Variants in CHD4 observed in about 807,000 individuals in gnomAD.
CHD4 encodes the protein ATP-dependent chromatin remodeler CHD4.
CHD4 carries 35 observed loss-of-function variants against 235.5 expected under a neutral mutation model. The observed-to-expected ratio is 0.15, with a 90% CI of 0.11 to 0.20. The LOEUF is 0.20. Ranked by LOEUF, CHD4 falls within the 10% of genes least tolerant of loss-of-function variation. The pLI is 1.00. For missense variants in CHD4, 1,329 were observed against 2,432.3 expected (o/e 0.55, Z 9.54); for synonymous variants, 900 against 850.2 (o/e 1.06, Z -1.02).
Position 6,600,629 on chromosome 12 carries a change from T to A in CHD4, c.968A>T (p.Asp323Val). 6.2e-7 allele frequency: 1 copy of A among 1,614,096 alleles called. No individual in the cohort carries two copies. The highest frequency in any genetic ancestry group is 8.5e-7 in the Non-Finnish European group (1 of 1,180,012). Residue 323 changes from aspartate (D) to valine (V), a missense_variant, in exon 8 of 40, where the codon GAT (aspartate) becomes GTT (valine). Transcript: ENST00000544040. ...DDLDVESDFD[D>V]ASINSYSVSD... ...AACAGAATAGCTATTGATACTGGCA[T>A]CATCGAAGTCAGATTCCACATCTAA...
At chr12:6,587,612 G>A (rs1337417122) in intron 24 of CHD4, 53 bp from the exon 25 acceptor site, 2 of 1,608,434 alleles carry the variant, frequency 1.2e-6, no homozygotes, top group Non-Finnish European at 8.5e-7. Context: ...CAGCTGCAGT[G>A]GAAAAAGCAA....
Position 6,572,898 on chromosome 12 carries a change from C to T in CHD4, c.5557+176G>A, listed in dbSNP as rs940749902. On this transcript the variant is annotated intron_variant, in intron 38 of 39. Coordinates refer to ENST00000544040, the MANE Select transcript of CHD4 (RefSeq NM_001273.5). ...TTTAAAAAAAAAAAAAGGCAAAGAA[C>T]TACTGTCCTTGATTGCCTCTAAGAT... The T allele has an allele frequency of 1.4e-5, 8 of 556,182 alleles. No homozygotes were observed. The Admixed American group carries it at 3.4e-4, about 23-fold the overall frequency. 34.5% of individuals were successfully genotyped at this position (556,182 alleles called of 1,614,324 possible).
intron 12 of CHD4, among the ~76,000 whole-genome samples, chr12:6,596,682 C>A (rs1252318215): frequency 6.6e-6 from 1 of 152,102 alleles, no homozygotes; most frequent in Non-Finnish European, 1.5e-5. Flanking sequence ...TGCCTGTAAT[C>A]CCAGCTACTC....
At position 6,591,658 on chromosome 12, in the gene CHD4, A is replaced by G. The variant is rs370199052; in HGVS notation, c.3222+36T>C. The G allele has an allele frequency of 5.0e-6, 8 of 1,614,162 alleles. 1 individual carries two copies. Among genetic ancestry groups the G allele is most frequent in the South Asian group, 4.4e-5 (4 of 91,088 alleles). ...TTCCTTAGGTCACTAAGGGTTGTCT[A>G]TGACTGTTCCCTAAAGCTCCCAGTC... On this transcript the variant is annotated intron_variant, in intron 21 of 39. Transcript: ENST00000544040.
At chr12:6,599,619 G>C (rs1199308793) in intron 10 of CHD4, among the ~76,000 whole-genome samples, 154 bp downstream of exon 10, 2 of 152,090 alleles carry the variant, frequency 1.3e-5, no homozygotes, top group African/African-American at 4.8e-5. Context: ...ATTTTCCCAG[G>C]ACAAAAGTAT....
Position 6,578,862 on chromosome 12 carries a change from A to T in CHD4, c.4965T>A (p.Ile1655=), listed in dbSNP as rs1948119443. ...AACACCCACCTTTGTCTTCTACCAC[A>T]ATAGGGGTCAGATCTATTGCTGACT... ...EEKSAIDLTP[I]VVEDKEEKKE... is the part of the protein sequence containing the mutation. The change falls in exon 34 of 40, where the codon ATT becomes ATA. Residue 1655 remains isoleucine, a synonymous_variant. Transcript: ENST00000544040. The T allele has an allele frequency of 1.2e-6, 2 of 1,614,064 alleles. No homozygotes were observed. Among genetic ancestry groups the T allele is most frequent in the African/African-American group, 1.3e-5 (1 of 74,920 alleles).
chr12:6,593,277 G>A lies in CHD4; in HGVS notation c.2515-49C>T. 5 of 1,611,550 alleles carry A rather than the reference G, an allele frequency of 3.1e-6. No individual in the cohort carries two copies. The highest frequency in any genetic ancestry group is 4.2e-6 in the Non-Finnish European group (5 of 1,178,250). ...ACTACTAGTCAGTTCCTCTGTGTAA[G>A]CACAACCAGGAGACTGATGGAATGT... On this transcript the variant is annotated intron_variant, in intron 16 of 39. Coordinates refer to ENST00000544040, the MANE Select transcript of CHD4 (RefSeq NM_001273.5). The surrounding 1 kb of genome is among the most constrained non-coding windows in gnomAD (Gnocchi z 4.9).
At position 6,606,279 on chromosome 12, in the gene CHD4, T is replaced by C; in HGVS notation, c.95A>G (p.His32Arg). 1 of 1,573,060 alleles carries C rather than the reference T, an allele frequency of 6.4e-7. No individual in the cohort carries two copies. Among genetic ancestry groups the C allele is most frequent in the Non-Finnish European group, 8.6e-7 (1 of 1,158,170 alleles). The stretch of plus-strand genomic sequence containing the variant: ...GCCCTTGGGGAAGATGTTACCTGGG[T>C]GGGGTGGGGGCAGGCTGTTGTTCAA... ...ALLNNSLPPP[H>R]PENEEDPEED... Residue 32 changes from histidine (H) to arginine (R), a missense_variant, in exon 2 of 40, where the codon CAC (histidine) becomes CGC (arginine). His to Arg is a conservative substitution (Grantham distance 29, BLOSUM62 0). This residue lies in a region of CHD4 where 213 missense variants were observed against 177.5 expected (regional missense o/e 1.20). Coordinates refer to ENST00000544040, the MANE Select transcript of CHD4 (RefSeq NM_001273.5).
rs1948208201 is a variant in CHD4 at position 6,582,288 on chromosome 12, A to G, written c.4371-7T>C. ...GAAAAGAGAGACATATGCCCTGTGT[A>G]AAGAAGTAGAGAAAGAGTTAAATAG... On this transcript the variant is annotated splice_region_variant and splice_polypyrimidine_tract_variant and intron_variant, in intron 29 of 39. Transcript: ENST00000544040. 1.3e-6 allele frequency: 2 copies of G among 1,556,758 alleles called. No homozygotes were observed. Among genetic ancestry groups the G allele is most frequent in the Non-Finnish European group, 1.7e-6 (2 of 1,152,956 alleles).
Position 6,582,242 on chromosome 12 carries a change from C to A in CHD4, c.4410G>T (p.Pro1470=). The A allele has an allele frequency of 6.3e-7, 1 of 1,598,562 alleles. No individual in the cohort carries two copies. The highest frequency in any genetic ancestry group is 8.5e-7 in the Non-Finnish European group (1 of 1,173,756). ...CAAAGGTCTCAGCCCCATCTGCCCC[C>A]GGCTCACATAAATGCCGCATGAAAA... is the stretch of plus-strand genomic sequence containing the variant. ...VSLFMRHLCE[P]GADGAETFAD... Residue 1470 remains proline, a synonymous_variant, in exon 30 of 40, where the codon CCG becomes CCT. Transcript: ENST00000544040.
chr12:6,573,055 C>G lies in CHD4; in HGVS notation c.5557+19G>C. 6.3e-7 allele frequency: 1 copy of G among 1,587,994 alleles called. No individual in the cohort carries two copies. The highest frequency in any genetic ancestry group is 8.5e-7 in the Non-Finnish European group (1 of 1,170,996). On this transcript the variant is annotated intron_variant, in intron 38 of 39. Coordinates refer to ENST00000544040, the MANE Select transcript of CHD4 (RefSeq NM_001273.5). The stretch of plus-strand genomic sequence containing the variant: ...TCAGGGAGGCCGAATCGGCAGGAGG[C>G]AGGGGAGCCACTGGCTACCTTTGTG...
rs1157649676 is a variant in CHD4, at chr12:6,570,652, TGGA to T, written c.*21_*23del. The T allele has an allele frequency of 3.8e-5, 61 of 1,613,954 alleles. No individual in the cohort carries two copies. The highest frequency in any genetic ancestry group is 4.9e-5 in the Non-Finnish European group (58 of 1,179,982). ...AGTGAGGAAGGTCACTGCTCAGCGG[TGGA>T]GGTGGTATCAGTCTGCATCTTCACT... On this transcript the variant is annotated 3_prime_UTR_variant, in exon 40 of 40. Transcript: ENST00000544040.
chr12:6,588,948 T>C lies in CHD4; in HGVS notation c.3341-526A>G, dbSNP rs555605454. Among the ~76,000 whole-genome samples the C allele has an allele frequency of 2.0e-5, 3 of 152,022 alleles. No homozygotes were observed. The East Asian group carries it at 5.8e-4, about 29-fold the overall frequency. On this transcript the variant is annotated intron_variant, in intron 22 of 39. Coordinates refer to ENST00000544040, the MANE Select transcript of CHD4 (RefSeq NM_001273.5). The stretch of plus-strand genomic sequence containing the variant: ...CAACAGAGCAAGACCCTAACTCTTA[T>C]AGAAAAATGTCAGAATAGGCCAGGT...
chr12:6,570,522 T>G lies in CHD4; in HGVS notation c.*154A>C, dbSNP rs1947945422. 1 of 857,606 alleles carries G rather than the reference T, an allele frequency of 1.2e-6. No individual in the cohort carries two copies. The highest frequency in any genetic ancestry group is 1.8e-6 in the Non-Finnish European group (1 of 545,764). The allele number at this position is 857,606 out of a possible 1,614,324, so 53.1% of individuals were successfully genotyped here. The stretch of plus-strand genomic sequence containing the variant: ...AAGGGCACCACTGCCCCTCACTCCC[T>G]CCCCTCCCCCAGTGCACTGGGGCTG... On this transcript the variant is annotated 3_prime_UTR_variant, in exon 40 of 40. Coordinates refer to ENST00000544040, the MANE Select transcript of CHD4 (RefSeq NM_001273.5).
rs759889190 is a variant in CHD4 at position 6,583,138 on chromosome 12, C to T, written c.4061-25G>A. Reference sequence around the variant, plus strand: ...TCTGGAGGGAGAGAGGGCAGATGAGCGGGGCCCACTGCTCTAGTGGAACGG... The same window carrying T: ...TCTGGAGGGAGAGAGGGCAGATGAGTGGGGCCCACTGCTCTAGTGGAACGG... On this transcript the variant is annotated intron_variant, in intron 26 of 39. Transcript: ENST00000544040. 21 of 1,605,910 alleles carry T rather than the reference C, an allele frequency of 1.3e-5. No homozygotes were observed. The Admixed American group carries it at 2.4e-4, about 18-fold the overall frequency.
chr12:6,581,670 G>A lies in CHD4; in HGVS notation c.4660C>T (p.Pro1554Ser), dbSNP rs1948193083. ...STPGDTQPNT[P>S]APVPPAEDGI... ...TTACCAGCAGGTGGGACAGGTGCAG[G>A]AGTGTTGGGCTGCGTGTCCCCTGGA... is the stretch of plus-strand genomic sequence containing the variant. The change falls in exon 31 of 40, where the codon CCT becomes TCT. Residue 1554 changes from proline (P) to serine (S), a missense_variant. Physicochemically the swap from Pro to Ser is moderately conservative, Grantham distance 74. Coordinates refer to ENST00000544040, the MANE Select transcript of CHD4 (RefSeq NM_001273.5). 6.2e-7 allele frequency: 1 copy of A among 1,612,760 alleles called. No homozygotes were observed. Among genetic ancestry groups the A allele is most frequent in the Admixed American group, 1.7e-5 (1 of 59,944 alleles).
chr12:6,580,713 A>AAAACAAAAC, intron 33 of CHD4: 1 of 230,376 alleles, frequency 4.3e-6, no homozygotes, highest in Non-Finnish European at 8.1e-6. Flanking sequence ...TGAAAAAAAA[A>AAAACAAAAC]AAAAAAAAAA....
At chr12:6,606,090 G>A (rs974901963) in intron 2 of CHD4, among the ~76,000 whole-genome samples, 184 bp downstream of exon 2, 14 of 152,218 alleles carry the variant, frequency 9.2e-5, no homozygotes, top group Non-Finnish European at 8.8e-5. Context: ...GTGCCCAGGA[G>A]GCACATGGCT....
At chr12:6,572,994 T>C in intron 38 of CHD4, 80 bp downstream of exon 38, 3 of 1,408,782 alleles carry the variant, frequency 2.1e-6, no homozygotes, top group Non-Finnish European at 2.9e-6. Flanking sequence ...TCTGAAAGTT[T>C]GAAAACAAAT....
Sources: gnomAD v4.1 joint callset for allele counts (sites outside exome capture counted in the v4.1 genomes callset) on GRCh38, gnomAD v4.1.1 for gene constraint, gnomAD v4.1.1 regional missense constraint, Gnocchi (gnomAD v3.1) non-coding constraint, MANE v1.5 for transcripts, NCBI Gene and HGNC (gene_info 2026-07-23, HGNC 2026-07-21) for gene names.